The following PTPRN variants were observed in gnomAD, a reference collection of about 807,000 sequenced individuals.
The protein encoded by PTPRN is receptor-type tyrosine-protein phosphatase-like N.
Under a neutral mutation model 108.5 loss-of-function variants are expected in PTPRN, and 70 were observed. The observed-to-expected ratio is 0.65, with a 90% CI of 0.53 to 0.79. The LOEUF (loss-of-function observed/expected upper bound fraction) is 0.79. Among genes scored for constraint, PTPRN ranks in the 30% least tolerant of loss-of-function variants. The pLI, the probability that PTPRN is intolerant of heterozygous loss-of-function variation, is 0.00. For missense variants in PTPRN, 1,136 were observed against 1,295.5 expected (o/e 0.88, Z 1.89); for synonymous variants, 496 against 524.6 (o/e 0.95, Z 0.75).
At chr2:219,306,741 T>C (rs139733454) in intron 3 of PTPRN, among the ~76,000 whole-genome samples, 5 of 152,318 alleles carry the variant, frequency 3.3e-5, no homozygotes, top group African/African-American at 1.2e-4. Flanking sequence ...TGTGCTTTTG[T>C]CCTAACTGTT....
chr2:219,302,355 T>A lies in PTPRN; in HGVS notation c.776A>T (p.His259Leu). 6.2e-7 allele frequency: 1 copy of A among 1,613,480 alleles called. No individual in the cohort carries two copies. The highest frequency in any genetic ancestry group is 8.5e-7 in the Non-Finnish European group (1 of 1,179,722). Residue 259 changes from histidine (H) to leucine (L), a missense_variant, in exon 6 of 23, where the codon CAC (histidine) becomes CTC (leucine). Transcript: ENST00000295718. ...AGGCCCTGGAAGGTCCCCGTAGGAGTGGCCAGGGTGGTCCCCAAATATGCC... is the reference window on the plus strand; with the variant it reads ...AGGCCCTGGAAGGTCCCCGTAGGAGAGGCCAGGGTGGTCCCCAAATATGCC... ...SKGIFGDHPGHSYGDLPGPSP... is the reference protein window; with the variant it reads ...SKGIFGDHPGLSYGDLPGPSP...
rs1952026272 is a variant in PTPRN, at chr2:219,290,388, G to C, written c.2869-91C>G. On this transcript the variant is annotated intron_variant, in intron 22 of 22. Transcript: ENST00000295718. This position sits in a 1 kb window ranked among gnomAD's most constrained non-coding sequence, Gnocchi z 4.2. ...GGGCTTTTGGTGGGGGGAGGGCCCTGGGCAGGTCCCCTGGGAGGAAGGGAG... is the reference window on the plus strand; with the variant it reads ...GGGCTTTTGGTGGGGGGAGGGCCCTCGGCAGGTCCCCTGGGAGGAAGGGAG... 2 of 1,419,686 alleles carry C rather than the reference G, an allele frequency of 1.4e-6. No individual in the cohort carries two copies. The highest frequency in any genetic ancestry group is 2.8e-5 in the African/African-American group (2 of 70,572). 87.9% of individuals were successfully genotyped at this position (1,419,686 alleles called of 1,614,324 possible).
intron 3 of PTPRN, among the ~76,000 whole-genome samples, chr2:219,305,846 G>T (rs1952471455): frequency 6.6e-6 from 1 of 152,076 alleles, no homozygotes; most frequent in African/African-American, 2.4e-5. Flanking sequence ...CAGTTATTCA[G>T]TAAATAAAAC....
Position 219,297,494 on chromosome 2 carries a change from G to T in PTPRN, c.1888-61C>A. 4.6e-6 allele frequency: 7 copies of T among 1,518,238 alleles called. No homozygotes were observed. Among genetic ancestry groups the T allele is most frequent in the Non-Finnish European group, 6.4e-6 (7 of 1,099,520 alleles). The allele number at this position is 1,518,238 out of a possible 1,614,324, so 94.0% of individuals were successfully genotyped here. Reference sequence around the variant, plus strand: ...CCTGAAACTTTTCAACAGGGCCCTGGGTTCAACTCTGGGCTCCTAGGCTTG... The same window carrying T: ...CCTGAAACTTTTCAACAGGGCCCTGTGTTCAACTCTGGGCTCCTAGGCTTG... On this transcript the variant is annotated intron_variant, in intron 13 of 22. Coordinates refer to ENST00000295718, the MANE Select transcript of PTPRN (RefSeq NM_002846.4). This position sits in a 1 kb window ranked among gnomAD's most constrained non-coding sequence, Gnocchi z 6.0.
At chr2:219,298,245 C>T in intron 12 of PTPRN, 142 bp from the exon 13 acceptor site, 1 of 733,594 alleles carries the variant, frequency 1.4e-6, no homozygotes, top group South Asian at 1.8e-5. Flanking sequence ...GTGGTACAGC[C>T]AGATGGGCTC....
intron 12 of PTPRN, 37 bp from the exon 13 acceptor site, chr2:219,298,140 C>T: frequency 4.4e-6 from 7 of 1,594,398 alleles, no homozygotes; most frequent in Non-Finnish European, 6.0e-6. Flanking sequence ...GAGGCAGTGG[C>T]ATAGGGAGGT....
At chr2:219,308,857 C>T (rs1416992452) in intron 1 of PTPRN, 2 of 1,328,076 alleles carry the variant, frequency 1.5e-6, no homozygotes, top group East Asian at 9.8e-5. Flanking sequence ...ACCTCCCCTT[C>T]CCATTCCTCA....
chr2:219,301,082 G>C, intron 7 of PTPRN, 105 bp from the exon 8 acceptor site: 1 of 1,145,000 alleles, frequency 8.7e-7, no homozygotes, highest in Non-Finnish European at 1.3e-6. Context: ...AACATTTGCT[G>C]TGGTCTTCAT....
chr2:219,301,058 G>A, intron 7 of PTPRN, 81 bp from the exon 8 acceptor site: 1 of 1,382,744 alleles, frequency 7.2e-7, no homozygotes, highest in East Asian at 2.3e-5. Flanking sequence ...AAGGGCCAGA[G>A]ACCCTGAGCC....
At chr2:219,306,864 T>A (rs1952496940) in intron 3 of PTPRN, among the ~76,000 whole-genome samples, 1 of 152,232 alleles carries the variant, frequency 6.6e-6, no homozygotes, top group Non-Finnish European at 1.5e-5. Flanking sequence ...AACCACCTGA[T>A]TTCCTCATTT....
chr2:219,308,913 C>T, intron 1 of PTPRN: 2 of 1,388,792 alleles, frequency 1.4e-6, no homozygotes, highest in Non-Finnish European at 9.6e-7. Flanking sequence ...GTGGCTTCTC[C>T]TGTGGTCTCG....
At position 219,297,164 on chromosome 2, in the gene PTPRN, A is replaced by G. The variant is rs761841672; in HGVS notation, c.2089-32T>C. Reference sequence around the variant, plus strand: ...GGGCACCACGGTCTGGCTCTGGCCCACACAGCCAGCCTGGCCTCTCTCACC... The same window carrying G: ...GGGCACCACGGTCTGGCTCTGGCCCGCACAGCCAGCCTGGCCTCTCTCACC... On this transcript the variant is annotated intron_variant, in intron 14 of 22. Transcript: ENST00000295718. The surrounding 1 kb of genome is among the most constrained non-coding windows in gnomAD (Gnocchi z 6.0). 1.2e-6 allele frequency: 2 copies of G among 1,612,060 alleles called. No homozygotes were observed. Among genetic ancestry groups the G allele is most frequent in the East Asian group, 4.5e-5 (2 of 44,856 alleles).
At chr2:219,294,573 G>A (rs1218685895) in intron 19 of PTPRN, among the ~76,000 whole-genome samples, 3 of 151,946 alleles carry the variant, frequency 2.0e-5, no homozygotes, top group African/African-American at 7.3e-5. Context: ...GGAGGGGGCA[G>A]CAAGGCAGCG....
intron 7 of PTPRN, 88 bp from the exon 8 acceptor site, chr2:219,301,065 A>G: frequency 7.7e-7 from 1 of 1,305,606 alleles, no homozygotes; most frequent in Admixed American, 1.8e-5. Context: ...AGAGACCCTG[A>G]GCCTGGAACA....
rs1348715008 is a variant in PTPRN at position 219,296,698 on chromosome 2, G to T, written c.2310+51C>A. The stretch of plus-strand genomic sequence containing the variant: ...GACCACGGGGAAATGGAGTGCATAG[G>T]GCCAGGATAATGATGGGGCAGAGGT... On this transcript the variant is annotated intron_variant, in intron 16 of 22. Transcript: ENST00000295718. The surrounding 1 kb of genome is among the most constrained non-coding windows in gnomAD (Gnocchi z 6.0). The T allele has an allele frequency of 6.2e-7, 1 of 1,604,202 alleles. No homozygotes were observed. The highest frequency in any genetic ancestry group is 8.5e-7 in the Non-Finnish European group (1 of 1,173,718).
chr2:219,307,464 A>C lies in PTPRN; in HGVS notation c.260T>G (p.Leu87Arg). 1.9e-6 allele frequency: 3 copies of C among 1,614,110 alleles called. No homozygotes were observed. Among genetic ancestry groups the C allele is most frequent in the Non-Finnish European group, 2.5e-6 (3 of 1,179,998 alleles). ...CTTACCTTGGGACATGAGTTGTCGG[A>C]GCACACCTTGTAAGCGTTGGAGAAC... ...SPVLQRLQGV[L>R]RQLMSQGLSW... Residue 87 changes from leucine to arginine, a missense_variant, in exon 3 of 23, where the codon CTC becomes CGC. By Grantham distance (102) the Leu-to-Arg change is moderately radical. Transcript: ENST00000295718.
chr2:219,294,099 GT>G lies in PTPRN; in HGVS notation c.2675+875del, dbSNP rs1952114614. On this transcript the variant is annotated intron_variant, in intron 19 of 22. Coordinates refer to ENST00000295718, the MANE Select transcript of PTPRN (RefSeq NM_002846.4). ...GGTCCCCGGGCCACATGTCCTGTCTGTCCATGCAGCAGCCACACCTGCCAAT... is the reference window on the plus strand; with the variant it reads ...GGTCCCCGGGCCACATGTCCTGTCTGCCATGCAGCAGCCACACCTGCCAAT... 7.6e-6 allele frequency: 4 copies of G among 529,354 alleles called. No individual in the cohort carries two copies. In the African/African-American group the frequency reaches 7.7e-5, roughly 10 times the overall value. The allele number at this position is 529,354 out of a possible 1,614,324, so 32.8% of individuals were successfully genotyped here.
Position 219,290,194 on chromosome 2 carries a change from G to T in PTPRN, c.*32C>A, listed in dbSNP as rs756803012. ...GCTCACACAGGCAAAGAGGGACAGA[G>T]GCTGGGCTGCCCGCCAAGGGGCCCC... is the stretch of plus-strand genomic sequence containing the variant. On this transcript the variant is annotated 3_prime_UTR_variant, in exon 23 of 23. Transcript: ENST00000295718. This position sits in a 1 kb window ranked among gnomAD's most constrained non-coding sequence, Gnocchi z 4.2. 1.9e-6 allele frequency: 3 copies of T among 1,586,906 alleles called. No homozygotes were observed. In the Admixed American group the frequency reaches 5.0e-5, roughly 26 times the overall value.
intron 3 of PTPRN, among the ~76,000 whole-genome samples, chr2:219,306,513 G>C (rs13431407): frequency 1.9e-4 from 29 of 152,326 alleles, no homozygotes; most frequent in African/African-American, 5.8e-4. Flanking sequence ...CAGCAAAAGT[G>C]ATGCTTGTCA....
Sources: gnomAD v4.1 joint callset for allele counts (sites outside exome capture counted in the v4.1 genomes callset) on GRCh38, gnomAD v4.1.1 for gene constraint, Gnocchi (gnomAD v3.1) non-coding constraint, MANE v1.5 for transcripts, NCBI Gene and HGNC (gene_info 2026-07-23, HGNC 2026-07-21) for gene names.